The following TTC6 variants were observed in gnomAD, a reference collection of about 807,000 sequenced individuals.
TTC6 encodes the protein tetratricopeptide repeat protein 6.
Under a neutral mutation model 210.4 loss-of-function variants are expected in TTC6, and 172 were observed. The ratio of observed to expected loss-of-function variants is 0.82; its 90% CI spans 0.72 to 0.93. TTC6 has a LOEUF of 0.93. Ranked by LOEUF, TTC6 falls within the 40% of genes least tolerant of loss-of-function variation. TTC6 has a pLI of 0.00. For synonymous variants in TTC6, 804 were observed against 819.6 expected, an observed-to-expected ratio of 0.98 and a Z score of 0.32; for missense variants, 2,414 against 2,318.1, an observed-to-expected ratio of 1.04 and a Z score of -0.85.
intron 1 of TTC6, among the ~76,000 whole-genome samples, chr14:37,632,290 T>G (rs1432914676): frequency 6.6e-6 from 1 of 152,182 alleles, no homozygotes; most frequent in Non-Finnish European, 1.5e-5. Flanking sequence ...GACCTTTGCA[T>G]GGGGTTTTTG....
chr14:37,670,783 T>G (rs2138475665), intron 1 of TTC6, among the ~76,000 whole-genome samples: 1 of 152,274 alleles, frequency 6.6e-6, no homozygotes, highest in Middle Eastern at 3.4e-3. Flanking sequence ...ACTACCTCAC[T>G]TTTTAATGGG....
chr14:37,651,210 A>G (rs1277273885), intron 1 of TTC6, among the ~76,000 whole-genome samples: 1 of 150,982 alleles, frequency 6.6e-6, no homozygotes, highest in Non-Finnish European at 1.5e-5. Context: ...GTTTTCCCAT[A>G]CCCCTCTCTG....
At chr14:37,780,820 T>G (rs1314136324) in intron 14 of TTC6, among the ~76,000 whole-genome samples, 1 of 152,072 alleles carries the variant, frequency 6.6e-6, no homozygotes, top group Non-Finnish European at 1.5e-5. Context: ...GGTGATCCCC[T>G]CCCTGTGTCT....
chr14:37,745,007 CA>C (rs1566926412), intron 10 of TTC6, among the ~76,000 whole-genome samples: 11 of 152,082 alleles, frequency 7.2e-5, no homozygotes, highest in South Asian at 4.1e-4. Flanking sequence ...TACACACACA[CA>C]CACACACCCA....
intron 5 of TTC6, among the ~76,000 whole-genome samples, chr14:37,711,125 C>T (rs1438910369): frequency 2.6e-5 from 4 of 152,108 alleles, no homozygotes; most frequent in African/African-American, 7.2e-5. Context: ...GAGAACTACC[C>T]AGCATCTCCT....
chr14:37,832,325 C>T (rs932936669), intron 29 of TTC6, among the ~76,000 whole-genome samples: 21 of 80,190 alleles, frequency 2.6e-4, no homozygotes, highest in Non-Finnish European at 2.6e-4. Context: ...CTTTTTCTTT[C>T]TCTCTTTTTT....
At position 37,719,021 on chromosome 14, in the gene TTC6, A is replaced by G. The variant is rs917789908; in HGVS notation, c.1713+4225A>G. On this transcript the variant is annotated intron_variant, in intron 6 of 30. Coordinates refer to ENST00000553443, the Ensembl canonical transcript of TTC6. ...CTCAGTAAAGTGACAAGATACAAAA[A>G]AAACCATGAATAATTCATTATATTT... is the stretch of plus-strand genomic sequence containing the variant. Among the ~76,000 whole-genome samples the G allele has an allele frequency of 4.6e-5, 7 of 152,158 alleles. No homozygotes were observed. In the East Asian group the frequency reaches 1.2e-3, roughly 25 times the overall value.
chr14:37,803,947 T>A (rs947335962), intron 20 of TTC6, among the ~76,000 whole-genome samples: 20 of 152,184 alleles, frequency 1.3e-4, no homozygotes, highest in Non-Finnish European at 2.9e-5. Context: ...ATTAAGAAGA[T>A]GGTATAACCA....
intron 5 of TTC6, among the ~76,000 whole-genome samples, chr14:37,713,491 G>T (rs1373697666): frequency 6.6e-6 from 1 of 152,180 alleles, no homozygotes; most frequent in African/African-American, 2.4e-5. Flanking sequence ...GCCTGCCTCA[G>T]CCTCCCAAAG....
intron 14 of TTC6, among the ~76,000 whole-genome samples, chr14:37,761,749 T>G (rs1002933486): frequency 1.3e-5 from 2 of 152,240 alleles, no homozygotes; most frequent in East Asian, 3.9e-4. Context: ...AATTGAATTA[T>G]ATGATAGTAT....
chr14:37,752,373 T>G lies in TTC6; in HGVS notation c.3130-726T>G, dbSNP rs1312944409. ...GGAGAATATTATATATTTTGTTAAC[T>G]TCTGGTCTAGAAATGACCAAAAAGC... On this transcript the variant is annotated intron_variant, in intron 13 of 30. Transcript: ENST00000553443. Among the ~76,000 whole-genome samples, 3 of 152,032 alleles carry G rather than the reference T, an allele frequency of 2.0e-5. No homozygotes were observed. In the East Asian group the frequency reaches 5.8e-4, roughly 29 times the overall value.
chr14:37,637,814 T>C (rs1026710050), intron 1 of TTC6, among the ~76,000 whole-genome samples: 1 of 151,954 alleles, frequency 6.6e-6, no homozygotes, highest in Non-Finnish European at 1.5e-5. Context: ...AAAATAATAA[T>C]TAAAAAAAGT....
intron 14 of TTC6, among the ~76,000 whole-genome samples, chr14:37,765,997 T>C (rs939476956): frequency 1.3e-5 from 2 of 152,186 alleles, no homozygotes; most frequent in African/African-American, 4.8e-5. Context: ...ATTTTCTTTG[T>C]CTTTGGTTGT....
intron 1 of TTC6, among the ~76,000 whole-genome samples, chr14:37,635,365 TA>T (rs2139360275): frequency 6.6e-6 from 1 of 152,122 alleles, no homozygotes; most frequent in East Asian, 1.9e-4. Context: ...AATAGAATTC[TA>T]AAAAATGTTG....
intron 3 of TTC6, among the ~76,000 whole-genome samples, chr14:37,693,159 A>G (rs1315570489): frequency 1.3e-5 from 2 of 152,068 alleles, no homozygotes; most frequent in African/African-American, 2.4e-5. Context: ...AAAAGACTCC[A>G]CAAAAAACTA....
chr14:37,783,237 C>T (rs1437241945), intron 14 of TTC6, among the ~76,000 whole-genome samples: 5 of 152,074 alleles, frequency 3.3e-5, no homozygotes, highest in East Asian at 1.9e-4. Flanking sequence ...TGGTAGAATT[C>T]GGCTGTGAAT....
chr14:37,720,319 A>G (rs2095859298), intron 6 of TTC6: 1 of 152,178 alleles, frequency 6.6e-6, no homozygotes, highest in Non-Finnish European at 1.5e-5. Flanking sequence ...TCTGTAAGAT[A>G]AAGTGTCTGT....
intron 1 of TTC6, among the ~76,000 whole-genome samples, chr14:37,657,644 T>C (rs2139447888): frequency 6.6e-6 from 1 of 152,310 alleles, no homozygotes; most frequent in South Asian, 2.1e-4. Context: ...TCAAAGATGA[T>C]AATGTAGTAA....
At chr14:37,797,298 C>T (rs2096094964) in intron 20 of TTC6, among the ~76,000 whole-genome samples, 1 of 151,984 alleles carries the variant, frequency 6.6e-6, no homozygotes, top group Non-Finnish European at 1.5e-5. Flanking sequence ...AGGTGTATTC[C>T]TGTTCCTGTT....
Sources: gnomAD v4.1 joint callset for allele counts (sites outside exome capture counted in the v4.1 genomes callset) on GRCh38, gnomAD v4.1.1 for gene constraint, MANE v1.5 for transcripts, NCBI Gene and HGNC (gene_info 2026-07-23, HGNC 2026-07-21) for gene names.